Variants in NTM observed in about 807,000 individuals in gnomAD.
The protein encoded by NTM is IgLON family member 2.
NTM carries 13 observed loss-of-function variants against 42.1 expected under a neutral mutation model. The ratio of observed to expected loss-of-function variants is 0.31; its 90% CI spans 0.20 to 0.49. NTM has a LOEUF of 0.49. Among genes scored for constraint, NTM ranks in the 20% least tolerant of loss-of-function variants. NTM has a pLI of 0.99. For synonymous variants in NTM, 187 were observed against 179.2 expected, an observed-to-expected ratio of 1.04 and a Z score of -0.35; for missense variants, 373 against 452.8, an observed-to-expected ratio of 0.82 and a Z score of 1.60.
intron 2 of NTM, among the ~76,000 whole-genome samples, chr11:132,043,216 C>G (rs2077441861): frequency 6.6e-6 from 1 of 152,150 alleles, no homozygotes; most frequent in South Asian, 2.1e-4. Context: ...TTTGGTTAGT[C>G]TTTCTGCAAG....
chr11:131,440,278 G>A (rs916958950), intron 1 of NTM, among the ~76,000 whole-genome samples: 2 of 151,584 alleles, frequency 1.3e-5, no homozygotes, highest in African/African-American at 4.9e-5. Context: ...GTTGAGAGGT[G>A]GGTGCTAAAA....
intron 1 of NTM, among the ~76,000 whole-genome samples, chr11:131,857,373 G>A (rs1298782144): frequency 6.6e-6 from 1 of 152,092 alleles, no homozygotes; most frequent in Non-Finnish European, 1.5e-5. Context: ...TTGGCCTGCT[G>A]CAGCGTCCCC....
intron 1 of NTM, among the ~76,000 whole-genome samples, chr11:131,615,124 C>T (rs75706652): frequency 0.039 from 5,995 of 152,272 alleles, 350 homozygotes; most frequent in African/African-American, 0.13. Context: ...AGGCAGCACA[C>T]ACAATGGCGA....
At chr11:131,997,043 C>T (rs1302638360) in intron 2 of NTM, among the ~76,000 whole-genome samples, 1 of 152,242 alleles carries the variant, frequency 6.6e-6, no homozygotes, top group Non-Finnish European at 1.5e-5. Flanking sequence ...TCACCATGGC[C>T]TCTCCTGGGC....
chr11:132,086,692 A>G (rs913508403), intron 2 of NTM, among the ~76,000 whole-genome samples: 9 of 152,230 alleles, frequency 5.9e-5, no homozygotes, highest in African/African-American at 2.2e-4. Flanking sequence ...AAAACTTTAC[A>G]GTAAATATAA....
chr11:131,378,553 C>T (rs941462761), intron 1 of NTM, among the ~76,000 whole-genome samples: 17 of 152,102 alleles, frequency 1.1e-4, no homozygotes, highest in Non-Finnish European at 1.2e-4. Context: ...TATATGCATG[C>T]ATTTATTTAC....
At chr11:132,182,559 A>G (rs2138073037) in intron 3 of NTM, among the ~76,000 whole-genome samples, 1 of 152,344 alleles carries the variant, frequency 6.6e-6, no homozygotes, top group African/African-American at 2.4e-5. Context: ...TGTGCACACA[A>G]TGATGGTAAG....
At chr11:131,819,230 A>C (rs1223106644) in intron 1 of NTM, among the ~76,000 whole-genome samples, 1 of 152,162 alleles carries the variant, frequency 6.6e-6, no homozygotes, top group African/African-American at 2.4e-5. Context: ...CTTGTAGTTC[A>C]AAGCTTCTCA....
At chr11:131,879,834 G>T (rs573869348) in intron 1 of NTM, among the ~76,000 whole-genome samples, 9 of 152,090 alleles carry the variant, frequency 5.9e-5, no homozygotes, top group Non-Finnish European at 1.3e-4. Flanking sequence ...TCCATATATA[G>T]TCTTCTTTAT....
intron 1 of NTM, among the ~76,000 whole-genome samples, chr11:131,867,191 C>T (rs368391733): frequency 6.6e-6 from 1 of 152,200 alleles, no homozygotes; most frequent in Admixed American, 6.5e-5. Context: ...GTGCAGGGCT[C>T]GGGAAAGAAT....
chr11:131,696,382 A>G (rs1565437898), intron 1 of NTM, among the ~76,000 whole-genome samples: 1 of 152,186 alleles, frequency 6.6e-6, no homozygotes, highest in Non-Finnish European at 1.5e-5. Flanking sequence ...GAGTTACACC[A>G]GCACCCAGCA....
In NTM at chr11:132,203,066, G is replaced by T. The variant is rs566026187; in HGVS notation, c.401-8956G>T. Among the ~76,000 whole-genome samples, 5 of 152,326 alleles carry T rather than the reference G, an allele frequency of 3.3e-5. No individual in the cohort carries two copies. The South Asian group carries it at 1.0e-3, about 32-fold the overall frequency. On this transcript the variant is annotated intron_variant, in intron 3 of 8. Transcript: ENST00000683400. ...ACTGTAATCTGACCCTTCCGTTCTT[G>T]AAAATGATGGCAGCAAGCGCATTGC... is the stretch of plus-strand genomic sequence containing the variant.
intron 1 of NTM, among the ~76,000 whole-genome samples, chr11:131,725,156 T>A (rs907102844): frequency 5.3e-5 from 8 of 152,226 alleles, no homozygotes; most frequent in Admixed American, 5.2e-4. Flanking sequence ...CCATGATGGA[T>A]GCAGTACTTC....
At chr11:131,727,186 T>C (rs1043272865) in intron 1 of NTM, among the ~76,000 whole-genome samples, 1 of 145,682 alleles carries the variant, frequency 6.9e-6, no homozygotes, top group Non-Finnish European at 1.5e-5. Flanking sequence ...AGAGTTCTGT[T>C]AGGAAGACAA....
chr11:131,804,457 A>G (rs2092364099), intron 1 of NTM, among the ~76,000 whole-genome samples: 1 of 152,126 alleles, frequency 6.6e-6, no homozygotes, highest in Non-Finnish European at 1.5e-5. Context: ...CATGCCATAA[A>G]GGGCAAGAGT....
chr11:132,211,809 G>A (rs1003346902), intron 3 of NTM: 33 of 371,582 alleles, frequency 8.9e-5, no homozygotes, highest in Middle Eastern at 8.1e-4. Flanking sequence ...ATTCCCATTC[G>A]GACTCCCTGA....
rs572592700 is a variant in NTM at position 132,104,743 on chromosome 11, G to GA, written c.168-41531dup. On this transcript the variant is annotated intron_variant, in intron 2 of 8. Coordinates refer to ENST00000683400, the MANE Select transcript of NTM (RefSeq NM_001352005.2). ...GGACCCCATTTCTACAAAAAGAAAA[G>GA]AAAAAAAATAAATTATCTGAGCATG... 3.4e-5 allele frequency among the ~76,000 whole-genome samples: 5 copies of GA among 149,228 alleles called. No homozygotes were observed. The East Asian group carries it at 9.8e-4, about 29-fold the overall frequency.
chr11:132,161,125 C>A (rs906470721), intron 3 of NTM, among the ~76,000 whole-genome samples: 2 of 152,202 alleles, frequency 1.3e-5, no homozygotes, highest in East Asian at 1.9e-4. Flanking sequence ...TTCCTTCTTG[C>A]CTGGCCAGGG....
intron 1 of NTM, among the ~76,000 whole-genome samples, chr11:131,751,333 GTA>G (rs2082489182): frequency 2.0e-5 from 3 of 151,988 alleles, no homozygotes; most frequent in African/African-American, 4.8e-5. Context: ...ACGCCACCGT[GTA>G]ATCCCAGCAC....
Sources: gnomAD v4.1 joint callset for allele counts (sites outside exome capture counted in the v4.1 genomes callset) on GRCh38, gnomAD v4.1.1 for gene constraint, MANE v1.5 for transcripts, NCBI Gene and HGNC (gene_info 2026-07-23, HGNC 2026-07-21) for gene names.